The following GSG1L variants were observed in gnomAD, a reference collection of about 807,000 sequenced individuals.
GSG1L encodes the protein germ cell-specific gene 1-like protein.
Under a neutral mutation model 42.1 loss-of-function variants are expected in GSG1L, and 24 were observed. That is an observed-to-expected ratio of 0.57 (90% CI 0.41 to 0.80). The LOEUF is 0.80. GSG1L is among the 30% of genes least tolerant of loss of function. GSG1L has a pLI of 0.00. For synonymous variants in GSG1L, 215 were observed against 203.5 expected, an observed-to-expected ratio of 1.06 and a Z score of -0.48; for missense variants, 445 against 472.2, an observed-to-expected ratio of 0.94 and a Z score of 0.53.
chr16:28,040,866 C>T lies in GSG1L; in HGVS notation c.349+22210G>A, dbSNP rs1157003667. ...TTCCATCCAGTATCCCCATCCCAGA[C>T]CATCTCTCTGCGTTCCGAGGGCCTT... On this transcript the variant is annotated intron_variant, in intron 1 of 6. Transcript: ENST00000447459. The surrounding 1 kb of genome is among the most constrained non-coding windows in gnomAD (Gnocchi z 4.1). 6.6e-6 allele frequency among the ~76,000 whole-genome samples: 1 copy of T among 152,218 alleles called. No individual in the cohort carries two copies. Among genetic ancestry groups the T allele is most frequent in the East Asian group, 1.9e-4 (1 of 5,192 alleles).
intron 2 of GSG1L, among the ~76,000 whole-genome samples, chr16:27,919,189 C>T (rs1273074198): frequency 6.6e-6 from 1 of 152,172 alleles, no homozygotes; most frequent in African/African-American, 2.4e-5. Flanking sequence ...TCATTCAAAC[C>T]TGTTCGTATC....
At chr16:27,853,249 C>T (rs988747031) in intron 3 of GSG1L, among the ~76,000 whole-genome samples, 2 of 152,194 alleles carry the variant, frequency 1.3e-5, no homozygotes, top group African/African-American at 2.4e-5. Context: ...GGGAACCCCA[C>T]GTGGCCAGGT....
intron 1 of GSG1L, among the ~76,000 whole-genome samples, chr16:27,977,800 G>A (rs996852597): frequency 5.9e-5 from 9 of 152,098 alleles, no homozygotes; most frequent in Non-Finnish European, 1.3e-4. Context: ...ACCACCATGA[G>A]ATTATTTTGA....
chr16:27,810,961 T>C (rs1056455004), intron 5 of GSG1L, among the ~76,000 whole-genome samples: 1 of 152,180 alleles, frequency 6.6e-6, no homozygotes, highest in Non-Finnish European at 1.5e-5. Context: ...GTGCTGGAAT[T>C]ACAGGTGTGA....
intron 1 of GSG1L, among the ~76,000 whole-genome samples, chr16:28,018,534 T>C (rs1248769832): frequency 6.6e-6 from 1 of 152,152 alleles, no homozygotes; most frequent in Non-Finnish European, 1.5e-5. Flanking sequence ...TTACATTGCA[T>C]TGGCCAGAAC....
At chr16:27,912,294 G>A (rs1029111682) in intron 2 of GSG1L, among the ~76,000 whole-genome samples, 5 of 152,220 alleles carry the variant, frequency 3.3e-5, no homozygotes, top group African/African-American at 1.2e-4. Flanking sequence ...CAGGAGGATC[G>A]CTTAAGCCCA....
chr16:27,873,118 G>A (rs1186376462), intron 3 of GSG1L, among the ~76,000 whole-genome samples: 1 of 152,214 alleles, frequency 6.6e-6, no homozygotes, highest in Non-Finnish European at 1.5e-5. Context: ...GCTGGACAGA[G>A]GTCATGTCTC....
At chr16:27,976,045 T>C (rs1470627883) in intron 1 of GSG1L, among the ~76,000 whole-genome samples, 1 of 152,064 alleles carries the variant, frequency 6.6e-6, no homozygotes, top group Non-Finnish European at 1.5e-5. Context: ...GAGGCTGAGG[T>C]GGGCAGATCA....
intron 1 of GSG1L, among the ~76,000 whole-genome samples, chr16:28,007,253 C>T (rs539428597): frequency 2.0e-5 from 3 of 152,000 alleles, no homozygotes; most frequent in African/African-American, 7.2e-5. Flanking sequence ...AAGAGAGAAG[C>T]CAGAGAATCA....
rs11385465 is a variant in GSG1L, at chr16:27,943,566, C to CTTTTTTTTT, written c.397+19581_397+19589dup. The stretch of plus-strand genomic sequence containing the variant: ...GCTAACATTTTCTTTTTCTTTGTTT[C>CTTTTTTTTT]TTTTTTTTTTTTTTTTTTTTTTTTT... On this transcript the variant is annotated intron_variant, in intron 2 of 6. Transcript: ENST00000447459. Among the ~76,000 whole-genome samples, 165 of 67,716 alleles carry CTTTTTTTTT rather than the reference C, an allele frequency of 2.4e-3. 3 individuals carry two copies. The highest frequency in any genetic ancestry group is 2.8e-3 in the East Asian group (5 of 1,762). The allele number at this position is 67,716 out of a possible 152,430, so 44.4% of individuals were successfully genotyped here. A position where few individuals can be genotyped will look rare whatever the true frequency, so the allele number is the denominator to read the frequency against.
chr16:28,027,750 C>G (rs1018028173), intron 1 of GSG1L, among the ~76,000 whole-genome samples: 1 of 151,996 alleles, frequency 6.6e-6, no homozygotes, highest in African/African-American at 2.4e-5. Context: ...GGCCAGGCAC[C>G]GTGGCTCAAG....
chr16:27,876,600 A>G (rs1030749836), intron 3 of GSG1L, among the ~76,000 whole-genome samples: 7 of 152,214 alleles, frequency 4.6e-5, no homozygotes, highest in Non-Finnish European at 1.0e-4. Flanking sequence ...CACTGGTACC[A>G]GGCCCAGGGG....
intron 2 of GSG1L, among the ~76,000 whole-genome samples, chr16:27,915,828 A>G (rs888855406): frequency 2.0e-5 from 3 of 152,196 alleles, no homozygotes; most frequent in Non-Finnish European, 4.4e-5. Context: ...CATGTCAGGT[A>G]GCGGCAGCCA....
At chr16:28,010,064 G>A (rs1035026963) in intron 1 of GSG1L, among the ~76,000 whole-genome samples, 4 of 152,202 alleles carry the variant, frequency 2.6e-5, no homozygotes, top group Non-Finnish European at 5.9e-5. Flanking sequence ...GGCTTCAGGG[G>A]AGAGGGAAGC....
chr16:27,881,083 T>C (rs2141020687), intron 3 of GSG1L, among the ~76,000 whole-genome samples: 1 of 152,202 alleles, frequency 6.6e-6, no homozygotes, highest in South Asian at 2.1e-4. Flanking sequence ...GAATAATGTT[T>C]TCCACTAGAT....
chr16:27,993,935 A>G (rs1332615512), intron 1 of GSG1L, among the ~76,000 whole-genome samples: 1 of 152,218 alleles, frequency 6.6e-6, no homozygotes, highest in African/African-American at 2.4e-5. Flanking sequence ...CCAGAAATTC[A>G]TGCCTTATGC....
At position 27,828,204 on chromosome 16, in the gene GSG1L, C is replaced by T. The variant is rs1210731388; in HGVS notation, c.830+585G>A. On this transcript the variant is annotated intron_variant, in intron 5 of 6. Transcript: ENST00000447459. The stretch of plus-strand genomic sequence containing the variant: ...ATCTGTCTATCCATCTACCCATCCA[C>T]TCACTCTCCTATTGATCCATCCATT... 2.6e-5 allele frequency among the ~76,000 whole-genome samples: 4 copies of T among 152,066 alleles called. No individual in the cohort carries two copies. In the East Asian group the frequency reaches 7.7e-4, roughly 29 times the overall value.
intron 2 of GSG1L, among the ~76,000 whole-genome samples, chr16:27,943,933 G>A (rs188856130): frequency 1.3e-5 from 2 of 152,068 alleles, no homozygotes; most frequent in South Asian, 4.1e-4. Flanking sequence ...CAAGACAGAT[G>A]GTCTCAGCCA....
chr16:27,890,936 A>G (rs1489762181), intron 2 of GSG1L, among the ~76,000 whole-genome samples: 8 of 152,270 alleles, frequency 5.3e-5, no homozygotes, highest in Admixed American at 5.2e-4. Context: ...TGCGGCAGAC[A>G]CAGCCGGTGC....
Sources: allele counts gnomAD v4.1 joint callset (sites outside exome capture counted in the v4.1 genomes callset), GRCh38; gene constraint gnomAD v4.1.1; non-coding constraint Gnocchi (gnomAD v3.1); transcripts MANE v1.5; gene names NCBI Gene and HGNC (gene_info 2026-07-23, HGNC 2026-07-21).